CACNA2D1: variants seen among roughly 807,000 people sequenced by gnomAD.
CACNA2D1 encodes the protein voltage-dependent calcium channel subunit alpha-2/delta-1.
In CACNA2D1, 53 loss-of-function variants were observed where a neutral mutation model predicts 171.5. That is an observed-to-expected ratio of 0.31 (90% CI 0.25 to 0.39). The LOEUF (loss-of-function observed/expected upper bound fraction) is 0.39, where lower values mean the gene tolerates loss of function less well. Ranked by LOEUF, CACNA2D1 falls within the 10% of genes least tolerant of loss-of-function variation. The pLI is 1.00. For synonymous variants in CACNA2D1, 442 were observed against 443.1 expected, an observed-to-expected ratio of 1.00 and a Z score of 0.03; for missense variants, 903 against 1,299.8, an observed-to-expected ratio of 0.69 and a Z score of 4.69.
chr7:82,171,357 G>A (rs1796000537), intron 3 of CACNA2D1, among the ~76,000 whole-genome samples: 1 of 151,540 alleles, frequency 6.6e-6, no homozygotes, highest in African/African-American at 2.4e-5. Flanking sequence ...TTTTCTCTTT[G>A]TATTTTTCAA....
intron 3 of CACNA2D1, among the ~76,000 whole-genome samples, chr7:82,324,082 C>T (rs1417678589): frequency 6.6e-6 from 1 of 152,162 alleles, no homozygotes; most frequent in Admixed American, 6.5e-5. Context: ...GTTGGCTGGG[C>T]ATGGTGGCTC....
chr7:82,261,632 A>G (rs1465529529), intron 3 of CACNA2D1, among the ~76,000 whole-genome samples: 2 of 152,218 alleles, frequency 1.3e-5, no homozygotes, highest in Non-Finnish European at 2.9e-5. Flanking sequence ...AAGCAATCGT[A>G]TCGCAAAGAT....
chr7:82,246,214 T>C (rs1416136647), intron 3 of CACNA2D1, among the ~76,000 whole-genome samples: 1 of 148,552 alleles, frequency 6.7e-6, no homozygotes, highest in African/African-American at 2.6e-5. Flanking sequence ...TTTGCATATA[T>C]AGATATGTAT....
chr7:82,440,158 A>AT (rs1830385733), intron 1 of CACNA2D1, among the ~76,000 whole-genome samples: 1 of 151,962 alleles, frequency 6.6e-6, no homozygotes, highest in South Asian at 2.1e-4. Flanking sequence ...ATACCATTGT[A>AT]CACTTTATAT....
rs151055974 is a variant in CACNA2D1, at chr7:82,116,183, G to T, written c.526+861C>A. ...GAAGGCAGGGAACGAGGTGCAGGAT[G>T]GGGTGGAGGGATGGGTTAAAGAATA... is the stretch of plus-strand genomic sequence containing the variant. On this transcript the variant is annotated intron_variant, in intron 6 of 38. Coordinates refer to ENST00000356860, the MANE Select transcript of CACNA2D1 (RefSeq NM_000722.4). Among the ~76,000 whole-genome samples, 943 of 152,260 alleles carry T rather than the reference G, an allele frequency of 6.2e-3. 3 individuals carry two copies. The highest frequency in any genetic ancestry group is 0.01 in the Non-Finnish European group (709 of 68,018).
rs952632363 is a variant in CACNA2D1, at chr7:82,145,241, T to C, written c.355-8565A>G. The stretch of plus-strand genomic sequence containing the variant: ...TTTTATATATATATAAAATATAAAT[T>C]ATATAAATATATAAATTATATAAAA... On this transcript the variant is annotated intron_variant, in intron 4 of 38. Coordinates refer to ENST00000356860, the MANE Select transcript of CACNA2D1 (RefSeq NM_000722.4). Among the ~76,000 whole-genome samples the C allele has an allele frequency of 3.5e-5, 5 of 141,190 alleles. No individual in the cohort carries two copies. In the South Asian group the frequency reaches 9.0e-4, roughly 25 times the overall value. 92.6% of individuals were successfully genotyped at this position (141,190 alleles called of 152,430 possible). A position where few individuals can be genotyped will look rare whatever the true frequency, so the allele number is the denominator to read the frequency against.
rs745840414 is a variant in CACNA2D1 at position 82,007,686 on chromosome 7, T to C, written c.1433A>G (p.Asn478Ser). 1 of 1,540,378 alleles carries C rather than the reference T, an allele frequency of 6.5e-7. No individual in the cohort carries two copies. The highest frequency in any genetic ancestry group is 9.0e-7 in the Non-Finnish European group (1 of 1,113,722). Reference protein sequence around the residue: ...NITGQFENKTNLKNQLILGVM... With the variant: ...NITGQFENKTSLKNQLILGVM... ...TATCAATTAACTTTTAACCTTTAAG[T>C]TTGTCTTATTTTCAAATTGGCCGGT... Residue 478 changes from asparagine (N) to serine (S), a missense_variant, in exon 16 of 39, where the codon AAC becomes AGC. Physicochemically the swap from Asn to Ser is conservative, Grantham distance 46. Transcript: ENST00000356860.
intron 7 of CACNA2D1, among the ~76,000 whole-genome samples, chr7:82,074,977 A>G (rs1446421156): frequency 6.6e-6 from 1 of 151,978 alleles, no homozygotes; most frequent in Non-Finnish European, 1.5e-5. Flanking sequence ...CCCGTCATCT[A>G]CATTAGGTAT....
intron 3 of CACNA2D1, among the ~76,000 whole-genome samples, chr7:82,328,143 A>T (rs1054763711): frequency 6.6e-6 from 1 of 152,162 alleles, no homozygotes; most frequent in Non-Finnish European, 1.5e-5. Context: ...ATCAAATCCA[A>T]ATAAATAAAA....
chr7:81,970,353 A>G (rs982894204), intron 27 of CACNA2D1, among the ~76,000 whole-genome samples: 2 of 151,428 alleles, frequency 1.3e-5, no homozygotes, highest in Admixed American at 1.3e-4. Flanking sequence ...AAAGTGCTAC[A>G]TAAATATTGC....
At chr7:82,423,564 G>C (rs1373342062) in intron 1 of CACNA2D1, among the ~76,000 whole-genome samples, 2 of 152,072 alleles carry the variant, frequency 1.3e-5, no homozygotes, top group African/African-American at 4.8e-5. Flanking sequence ...ACAAAATTCT[G>C]GCAAGGAACT....
chr7:82,377,976 A>ATGATCC (rs371934643), intron 1 of CACNA2D1, among the ~76,000 whole-genome samples: 8 of 152,326 alleles, frequency 5.3e-5, no homozygotes, highest in African/African-American at 1.9e-4. Context: ...TATGGCCTGT[A>ATGATCC]TGATCCTGGG....
At chr7:82,232,724 C>T (rs1275617564) in intron 3 of CACNA2D1, among the ~76,000 whole-genome samples, 1 of 151,592 alleles carries the variant, frequency 6.6e-6, no homozygotes, top group Admixed American at 6.6e-5. Flanking sequence ...ATTAGCCGGG[C>T]ATGGTGGCAG....
chr7:81,982,866 GCTATGT>G lies in CACNA2D1; in HGVS notation c.1895-245_1895-240del, dbSNP rs377233018. ...TCCCCACAGTTATTTCAAAGAAAAT[GCTATGT>G]CTATAATTTTCTGATCTAACCCTAC... On this transcript the variant is annotated intron_variant, in intron 23 of 38. Transcript: ENST00000356860. 212 of 581,080 alleles carry G rather than the reference GCTATGT, an allele frequency of 3.6e-4. 1 individual carries two copies. The highest frequency in any genetic ancestry group is 2.3e-3 in the East Asian group (77 of 32,868). The allele number at this position is 581,080 out of a possible 1,614,324, so 36.0% of individuals were successfully genotyped here. A position where few individuals can be genotyped will look rare whatever the true frequency, so the allele number is the denominator to read the frequency against.
chr7:82,048,464 C>G (rs1804805452), intron 10 of CACNA2D1, among the ~76,000 whole-genome samples: 1 of 152,058 alleles, frequency 6.6e-6, no homozygotes, highest in South Asian at 2.1e-4. Context: ...TATGAAAAAT[C>G]TCTTATACAT....
chr7:82,180,127 GT>G (rs1317784545), intron 3 of CACNA2D1, among the ~76,000 whole-genome samples: 3 of 152,116 alleles, frequency 2.0e-5, no homozygotes, highest in African/African-American at 7.2e-5. Context: ...AGAGAGACTA[GT>G]TTTTCAAGAA....
At chr7:82,340,397 T>G (rs1027398745) in intron 2 of CACNA2D1, among the ~76,000 whole-genome samples, 3 of 151,630 alleles carry the variant, frequency 2.0e-5, no homozygotes, top group Admixed American at 6.6e-5. Context: ...TCTTGAACTC[T>G]CAGGCTTAAG....
At chr7:82,060,892 G>T (rs970963064) in intron 9 of CACNA2D1, among the ~76,000 whole-genome samples, 3 of 152,062 alleles carry the variant, frequency 2.0e-5, no homozygotes, top group Admixed American at 1.3e-4. Context: ...TTGCTCCAGG[G>T]AACCCATTGT....
At chr7:82,161,459 G>T (rs1794938485) in intron 4 of CACNA2D1, among the ~76,000 whole-genome samples, 1 of 151,970 alleles carries the variant, frequency 6.6e-6, no homozygotes, top group Admixed American at 6.6e-5. Flanking sequence ...GGATATGAAT[G>T]TTTTCTGGGG....
Sources: gnomAD v4.1 joint callset for allele counts (sites outside exome capture counted in the v4.1 genomes callset) on GRCh38, gnomAD v4.1.1 for gene constraint, MANE v1.5 for transcripts, NCBI Gene and HGNC (gene_info 2026-07-23, HGNC 2026-07-21) for gene names.